ADGRL3: variants seen among roughly 807,000 people sequenced by gnomAD.
ADGRL3 encodes calcium-independent alpha-latrotoxin receptor 3.
Under a neutral mutation model 153.5 loss-of-function variants are expected in ADGRL3, and 62 were observed. That is an observed-to-expected ratio of 0.40 (90% confidence interval 0.33 to 0.50). The LOEUF is 0.50. Ranked by LOEUF, ADGRL3 falls within the 20% of genes least tolerant of loss-of-function variation. ADGRL3 has a pLI of 0.47. For synonymous variants in ADGRL3, 710 were observed against 672.5 expected (o/e 1.06, Z -0.86); for missense variants, 1,641 against 1,859.4 (o/e 0.88, Z 2.16).
chr4:61,984,410 C>T (rs2099078617), intron 19 of ADGRL3, among the ~76,000 whole-genome samples: 1 of 151,990 alleles, frequency 6.6e-6, no homozygotes, highest in African/African-American at 2.4e-5. Flanking sequence ...GATGGTGTTT[C>T]AAAACACCAT....
At chr4:61,259,250 C>T (rs999711336) in intron 1 of ADGRL3, among the ~76,000 whole-genome samples, 5 of 151,870 alleles carry the variant, frequency 3.3e-5, no homozygotes, top group Admixed American at 6.6e-5. Context: ...AGTGAAACCC[C>T]GTCTCTACTA....
At chr4:62,049,308 G>T (rs1195313495) in intron 25 of ADGRL3, among the ~76,000 whole-genome samples, 1 of 152,068 alleles carries the variant, frequency 6.6e-6, no homozygotes, top group African/African-American at 2.4e-5. Flanking sequence ...TGGAACAATT[G>T]CTTGGCTAGC....
intron 17 of ADGRL3, among the ~76,000 whole-genome samples, chr4:61,953,068 A>T (rs1053809323): frequency 1.6e-4 from 24 of 152,220 alleles, no homozygotes; most frequent in African/African-American, 5.5e-4. Context: ...ATCAATGAAA[A>T]ACAGAAAACA....
At chr4:61,755,946 A>T (rs1179982064) in intron 8 of ADGRL3, among the ~76,000 whole-genome samples, 2 of 151,940 alleles carry the variant, frequency 1.3e-5, no homozygotes, top group Admixed American at 6.6e-5. Flanking sequence ...GCGGCATTAT[A>T]TCTGAGGGCT....
intron 6 of ADGRL3, among the ~76,000 whole-genome samples, chr4:61,689,950 T>G (rs1316393737): frequency 1.3e-5 from 2 of 152,128 alleles, no homozygotes; most frequent in African/African-American, 4.8e-5. Context: ...TTAGGGAAGG[T>G]GGGTGTAAAA....
intron 21 of ADGRL3, among the ~76,000 whole-genome samples, chr4:62,025,835 G>GT (rs1244132896): frequency 6.6e-6 from 1 of 152,078 alleles, no homozygotes. Flanking sequence ...CATACAACCT[G>GT]TAACGGTATT....
At chr4:61,762,039 A>G (rs576970593) in intron 8 of ADGRL3, among the ~76,000 whole-genome samples, 1 of 152,352 alleles carries the variant, frequency 6.6e-6, no homozygotes, top group African/African-American at 2.4e-5. Flanking sequence ...AGATAGAGCA[A>G]TTTTGGCCTG....
intron 1 of ADGRL3, among the ~76,000 whole-genome samples, chr4:61,267,513 C>A (rs892105992): frequency 4.6e-5 from 7 of 151,714 alleles, no homozygotes; most frequent in African/African-American, 1.7e-4. Flanking sequence ...GCTTTCTCAT[C>A]TTTCTTTTGA....
At chr4:61,292,613 T>C (rs1231990432) in intron 1 of ADGRL3, among the ~76,000 whole-genome samples, 1 of 152,182 alleles carries the variant, frequency 6.6e-6, no homozygotes, top group African/African-American at 2.4e-5. Flanking sequence ...ATCCGATGCA[T>C]GGTCGTACTA....
intron 24 of ADGRL3, 84 bp downstream of exon 24, chr4:62,037,940 T>G: frequency 6.8e-7 from 1 of 1,471,142 alleles, no homozygotes; most frequent in Non-Finnish European, 9.4e-7. Context: ...ATTTCTAGCC[T>G]GTGTTTAACA....
intron 3 of ADGRL3, among the ~76,000 whole-genome samples, chr4:61,512,340 G>A (rs1045762393): frequency 6.6e-6 from 1 of 152,088 alleles, no homozygotes; most frequent in Non-Finnish European, 1.5e-5. Flanking sequence ...TAGACTCAGA[G>A]CTGTGAATGT....
Position 61,754,888 on chromosome 4 carries a change from C to T in ADGRL3, c.1399+21334C>T, listed in dbSNP as rs548940143. 8.6e-5 allele frequency among the ~76,000 whole-genome samples: 13 copies of T among 151,888 alleles called. No homozygotes were observed. In the South Asian group the frequency reaches 2.5e-3, roughly 29 times the overall value. On this transcript the variant is annotated intron_variant, in intron 8 of 26. Coordinates refer to ENST00000683033, the MANE Select transcript of ADGRL3 (RefSeq NM_001387552.1). ...TGCGGTGTTTGTTTTTTTATTCTTG[C>T]GATAGTTTGCTGAGAATGATGGTTA... is the stretch of plus-strand genomic sequence containing the variant.
intron 4 of ADGRL3, among the ~76,000 whole-genome samples, chr4:61,578,636 C>T (rs2149249732): frequency 6.6e-6 from 1 of 152,128 alleles, no homozygotes; most frequent in East Asian, 1.9e-4. Flanking sequence ...GTTCCTACCT[C>T]CCTTGTAAAT....
chr4:61,668,591 T>C (rs1249596415), intron 5 of ADGRL3, among the ~76,000 whole-genome samples: 2 of 152,212 alleles, frequency 1.3e-5, no homozygotes, highest in Non-Finnish European at 2.9e-5. Flanking sequence ...TAAAAGAATA[T>C]AGGAAATGAA....
chr4:61,278,693 A>G (rs1172099888), intron 1 of ADGRL3, among the ~76,000 whole-genome samples: 1 of 151,944 alleles, frequency 6.6e-6, no homozygotes, highest in Non-Finnish European at 1.5e-5. Context: ...TTATCAGAGA[A>G]TGGAGTTTCA....
At chr4:61,225,288 G>C (rs960443457) in intron 1 of ADGRL3, among the ~76,000 whole-genome samples, 2 of 152,160 alleles carry the variant, frequency 1.3e-5, no homozygotes, top group Non-Finnish European at 2.9e-5. Context: ...GGATGGTACT[G>C]TGGGCTCACT....
intron 4 of ADGRL3, among the ~76,000 whole-genome samples, chr4:61,546,089 G>A (rs1257226960): frequency 6.6e-6 from 1 of 152,166 alleles, no homozygotes; most frequent in Admixed American, 6.5e-5. Context: ...TCTGGCTAGT[G>A]TCACTGCTTC....
intron 5 of ADGRL3, among the ~76,000 whole-genome samples, chr4:61,619,977 G>C (rs568252703): frequency 6.6e-6 from 1 of 152,118 alleles, no homozygotes; most frequent in East Asian, 1.9e-4. Context: ...TAAGTAAAAA[G>C]AGTAGAATTA....
At chr4:61,918,004 T>C (rs1376085325) in intron 13 of ADGRL3, among the ~76,000 whole-genome samples, 1 of 152,100 alleles carries the variant, frequency 6.6e-6, no homozygotes, top group Non-Finnish European at 1.5e-5. Flanking sequence ...GAGGGCTAAC[T>C]CTCTGATGCG....
Sources: allele counts gnomAD v4.1 joint callset (sites outside exome capture counted in the v4.1 genomes callset), GRCh38; gene constraint gnomAD v4.1.1; transcripts MANE v1.5; gene names NCBI Gene and HGNC (gene_info 2026-07-23, HGNC 2026-07-21).